CYP4X1: variants seen among roughly 807,000 people sequenced by gnomAD.
CYP4X1 encodes the protein cytochrome P450 family 4 subfamily X member 1.
In CYP4X1, 44 loss-of-function variants were observed where a neutral mutation model predicts 57.9. The ratio of observed to expected loss-of-function variants is 0.76; its 90% CI spans 0.60 to 0.98. The LOEUF (loss-of-function observed/expected upper bound fraction) is 0.98. CYP4X1 is among the 50% of genes least tolerant of loss of function. The pLI, the probability that CYP4X1 is intolerant of heterozygous loss-of-function variation, is 0.00. For missense variants in CYP4X1, 532 were observed against 623.9 expected, an observed-to-expected ratio of 0.85 and a Z score of 1.57; for synonymous variants, 227 against 228.6, an observed-to-expected ratio of 0.99 and a Z score of 0.06.
intron 4 of CYP4X1, among the ~76,000 whole-genome samples, chr1:47,034,042 A>C (rs1190070675): frequency 6.6e-6 from 1 of 152,228 alleles, no homozygotes; most frequent in African/African-American, 2.4e-5. Context: ...AGTTGCGTTA[A>C]CTTCACAAGG....
Position 47,050,129 on chromosome 1 carries a change from C to G in CYP4X1, c.1485C>G (p.Pro495=). ...TCCCCAACCATTTTATCCTCAAGCC[C>G]AAGAATGGGATGTATTTGCACCTGA... ...LTFPNHFILK[P]KNGMYLHLKK... Residue 495 remains proline (P), a synonymous_variant, in exon 12 of 12, where the codon CCC becomes CCG. Transcript: ENST00000371901. The G allele has an allele frequency of 6.2e-7, 1 of 1,613,922 alleles. No individual in the cohort carries two copies. The highest frequency in any genetic ancestry group is 1.1e-5 in the South Asian group (1 of 91,070).
the CYP4X1 span, among the ~76,000 whole-genome samples, chr1:46,969,249 A>T: frequency 6.6e-6 from 1 of 152,196 alleles, no homozygotes; most frequent in Non-Finnish European, 1.5e-5. Flanking sequence ...CTTTGCCGTG[A>T]GTGAAAACTT....
the CYP4X1 span, among the ~76,000 whole-genome samples, chr1:46,968,803 C>T: frequency 3.9e-5 from 6 of 152,214 alleles, no homozygotes; most frequent in African/African-American, 1.4e-4. Context: ...GAGGCAAGAG[C>T]AGTGCCTTGT....
chr1:46,980,375 C>T, the CYP4X1 span, among the ~76,000 whole-genome samples: 1 of 152,160 alleles, frequency 6.6e-6, no homozygotes, highest in African/African-American at 2.4e-5. Flanking sequence ...CTCCCATTCA[C>T]AATTGCTACA....
chr1:47,012,249 TCCTTTGTA>T, the CYP4X1 span, among the ~76,000 whole-genome samples: 1 of 152,310 alleles, frequency 6.6e-6, no homozygotes, highest in East Asian at 1.9e-4. Context: ...TGAGTTCATG[TCCTTTGTA>T]GGGACACGGA....
In CYP4X1 at chr1:47,023,785, G is replaced by A; in HGVS notation, c.-33G>A. ...AAAGCCCACCCTCTCCCGCGCCCCA[G>A]GAAACCGCCGGCGTTCGGCGCTGCG... On this transcript the variant is annotated 5_prime_UTR_variant, in exon 1 of 12. Transcript: ENST00000371901. The A allele has an allele frequency of 6.3e-7, 1 of 1,597,880 alleles. No homozygotes were observed. Among genetic ancestry groups the A allele is most frequent in the Non-Finnish European group, 8.5e-7 (1 of 1,170,396 alleles).
the CYP4X1 span, among the ~76,000 whole-genome samples, chr1:46,978,128 T>C: frequency 2.6e-5 from 4 of 152,008 alleles, no homozygotes; most frequent in African/African-American, 7.3e-5. Flanking sequence ...CATAACAATA[T>C]TAACCTTAAA....
chr1:46,990,554 A>G, the CYP4X1 span, among the ~76,000 whole-genome samples: 3 of 152,236 alleles, frequency 2.0e-5, no homozygotes, highest in Non-Finnish European at 4.4e-5. Context: ...TACTGGGTAT[A>G]TACCCAAAGG....
intron 9 of CYP4X1, 152 bp downstream of exon 9, chr1:47,046,752 GATAA>G: frequency 8.4e-7 from 1 of 1,189,624 alleles, no homozygotes; most frequent in Non-Finnish European, 1.2e-6. Flanking sequence ...GAGCTCAGAG[GATAA>G]TGCTTTGGTC....
intron 10 of CYP4X1, among the ~76,000 whole-genome samples, chr1:47,049,120 T>C (rs114317199): frequency 0.018 from 2,801 of 152,312 alleles, 34 homozygotes; most frequent in Non-Finnish European, 0.029. Flanking sequence ...ATGTGGCCAG[T>C]TGGAATTGAG....
intron 3 of CYP4X1, among the ~76,000 whole-genome samples, chr1:47,032,668 T>C (rs1569623151): frequency 6.6e-6 from 1 of 152,220 alleles, no homozygotes; most frequent in East Asian, 1.9e-4. Flanking sequence ...GTATCATTCA[T>C]AGACCTGGGC....
At chr1:46,981,264 A>G in the CYP4X1 span, among the ~76,000 whole-genome samples, 2 of 152,118 alleles carry the variant, frequency 1.3e-5, no homozygotes, top group East Asian at 3.9e-4. Context: ...GAATCTACAA[A>G]GAACATAAAC....
chr1:47,046,081 G>A (rs1644298219), intron 8 of CYP4X1, among the ~76,000 whole-genome samples: 1 of 152,132 alleles, frequency 6.6e-6, no homozygotes, highest in Non-Finnish European at 1.5e-5. Flanking sequence ...TGGCACTCTG[G>A]CATTCCAACA....
the CYP4X1 span, among the ~76,000 whole-genome samples, chr1:46,983,341 G>A: frequency 6.6e-6 from 1 of 152,200 alleles, no homozygotes; most frequent in African/African-American, 2.4e-5. Context: ...GCAGGGAATT[G>A]GGAGCTCACA....
At chr1:47,000,892 CA>C in the CYP4X1 span, 1 of 154,238 alleles carries the variant, frequency 6.5e-6, no homozygotes, top group Non-Finnish European at 1.5e-5. Flanking sequence ...TAGAGGACTT[CA>C]GATCTGGTTC....
At chr1:46,968,496 C>T in the CYP4X1 span, among the ~76,000 whole-genome samples, 9 of 152,314 alleles carry the variant, frequency 5.9e-5, no homozygotes, top group Admixed American at 2.0e-4. Context: ...GTAGAGATGG[C>T]TGAGAACATT....
chr1:46,986,891 G>GA, the CYP4X1 span, among the ~76,000 whole-genome samples: 20 of 149,582 alleles, frequency 1.3e-4, no homozygotes, highest in South Asian at 2.1e-4. Context: ...ACTAAACATG[G>GA]AAAAAAAAAC....
At chr1:46,961,886 T>C in the CYP4X1 span, 1 of 803,362 alleles carries the variant, frequency 1.2e-6, no homozygotes, top group Non-Finnish European at 1.7e-6. Context: ...TGTCTTAGGT[T>C]CAGTTGCTTT....
chr1:47,047,821 G>T (rs951082198), intron 9 of CYP4X1, among the ~76,000 whole-genome samples: 7 of 151,978 alleles, frequency 4.6e-5, no homozygotes, highest in African/African-American at 7.2e-5. Flanking sequence ...CTAGTCTCAA[G>T]CTCCTGATCT....
Sources: allele counts gnomAD v4.1 joint callset (sites outside exome capture counted in the v4.1 genomes callset), GRCh38; gene constraint gnomAD v4.1.1; transcripts MANE v1.5; gene names NCBI Gene and HGNC (gene_info 2026-07-23, HGNC 2026-07-21).